The following ADPRHL1 variants were observed in gnomAD, a reference collection of about 807,000 sequenced individuals.
ADPRHL1 encodes inactive ADP-ribosyltransferase ARH2.
In ADPRHL1, 43 loss-of-function variants were observed where a neutral mutation model predicts 44.1. The observed-to-expected ratio is 0.98, with a 90% CI of 0.76 to 1.26. ADPRHL1 has a LOEUF of 1.26. Among genes scored for constraint, ADPRHL1 ranks in the 50% most tolerant of loss-of-function variants. ADPRHL1 has a pLI of 0.00. For missense variants in ADPRHL1, 2,022 were observed against 2,496.9 expected, an observed-to-expected ratio of 0.81 and a Z score of 4.05; for synonymous variants, 878 against 1,017.4, an observed-to-expected ratio of 0.86 and a Z score of 2.61.
chr13:113,421,578 G>A (rs2043923522), intron 7 of ADPRHL1, among the ~76,000 whole-genome samples: 1 of 152,196 alleles, frequency 6.6e-6, no homozygotes, highest in Non-Finnish European at 1.5e-5. Context: ...GCCTGGAAGT[G>A]GTTGGCGGGG....
chr13:113,431,274 C>G (rs2044005016), intron 3 of ADPRHL1, among the ~76,000 whole-genome samples: 1 of 152,220 alleles, frequency 6.6e-6, no homozygotes, highest in East Asian at 1.9e-4. Flanking sequence ...CGGTGAACGG[C>G]CACTCAACAC....
intron 4 of ADPRHL1, among the ~76,000 whole-genome samples, chr13:113,428,637 G>A (rs1375123280): frequency 6.6e-6 from 1 of 152,270 alleles, no homozygotes; most frequent in Non-Finnish European, 1.5e-5. Flanking sequence ...CCCAGTGGCT[G>A]CCAGTCGCTT....
chr13:113,445,034 A>G (rs532218410), intron 1 of ADPRHL1, among the ~76,000 whole-genome samples: 2 of 152,292 alleles, frequency 1.3e-5, no homozygotes, highest in South Asian at 2.1e-4. Flanking sequence ...GCCCAGCTCC[A>G]GCTCCTTCTT....
In ADPRHL1 at chr13:113,400,155, T is replaced by TG. The variant is rs1327826259; in HGVS notation, c.*3222_*3223insC. The TG allele has an allele frequency of 7.6e-6, 1 of 132,368 alleles. No homozygotes were observed. Among genetic ancestry groups the TG allele is most frequent in the Admixed American group, 7.2e-5 (1 of 13,834 alleles). 8.2% of individuals were successfully genotyped at this position (132,368 alleles called of 1,614,324 possible). A position where few individuals can be genotyped will look rare whatever the true frequency, so the allele number is the denominator to read the frequency against. Reference sequence around the variant, plus strand: ...CTTTTCTTTTCTTTTCTTCTTTTTTTTTTTTTTTTTGACGGAGTCTCGCTC... The same window carrying TG: ...CTTTTCTTTTCTTTTCTTCTTTTTTTGTTTTTTTTTTGACGGAGTCTCGCTC... On this transcript the variant is annotated 3_prime_UTR_variant, in exon 8 of 8. Transcript: ENST00000612156.
chr13:113,417,951 A>C (rs2043895121), intron 7 of ADPRHL1, among the ~76,000 whole-genome samples: 1 of 152,200 alleles, frequency 6.6e-6, no homozygotes, highest in African/African-American at 2.4e-5. Context: ...CAATTTTATC[A>C]GCTGATATTT....
chr13:113,410,564 C>G (rs1339234065), intron 7 of ADPRHL1, among the ~76,000 whole-genome samples: 1 of 152,226 alleles, frequency 6.6e-6, no homozygotes, highest in African/African-American at 2.4e-5. Flanking sequence ...ATCCAAGGAG[C>G]AGCTGTGCGT....
intron 4 of ADPRHL1, among the ~76,000 whole-genome samples, chr13:113,425,803 C>T (rs1234034346): frequency 1.3e-5 from 2 of 152,016 alleles, no homozygotes; most frequent in African/African-American, 4.8e-5. Context: ...GCCTCAGCCT[C>T]CTGAGTAGCT....
Position 113,406,928 on chromosome 13 carries a change from C to CA in ADPRHL1, c.2353dup (p.Cys785LeufsTer6), listed in dbSNP as rs2043813423. On this transcript the variant is annotated frameshift_variant, in exon 8 of 8. Transcript: ENST00000612156. LOFTEE classifies it low-confidence loss of function (END_TRUNC). ...TCCTTCCCTTTCATCCTCTGAACTG[C>CA]AAACAGTCATGGTGATTTCAGGGCC... The CA allele has an allele frequency of 2.4e-6, 3 of 1,232,064 alleles. No homozygotes were observed. In the South Asian group the frequency reaches 1.2e-4, roughly 51 times the overall value. 76.3% of individuals were successfully genotyped at this position (1,232,064 alleles called of 1,614,324 possible).
intron 2 of ADPRHL1, among the ~76,000 whole-genome samples, chr13:113,435,476 C>G (rs1485849454): frequency 2.9e-5 from 3 of 103,608 alleles, no homozygotes; most frequent in Admixed American, 9.8e-5. Flanking sequence ...CCCCGGGACC[C>G]GGCACCCAGG....
chr13:113,438,469 A>G (rs2044076318), intron 2 of ADPRHL1, among the ~76,000 whole-genome samples: 2 of 152,046 alleles, frequency 1.3e-5, no homozygotes, highest in Non-Finnish European at 2.9e-5. Context: ...CAAGGCAGGC[A>G]GATCACCTGA....
chr13:113,439,169 C>T (rs1024678613), intron 2 of ADPRHL1, among the ~76,000 whole-genome samples: 1 of 152,112 alleles, frequency 6.6e-6, no homozygotes, highest in African/African-American at 2.4e-5. Context: ...GTTGCCCAGG[C>T]TGGAGTGCAA....
intron 1 of ADPRHL1, among the ~76,000 whole-genome samples, chr13:113,446,041 A>G (rs2044134550): frequency 6.7e-6 from 1 of 149,156 alleles, no homozygotes; most frequent in Non-Finnish European, 1.5e-5. Context: ...CAAACCCCAC[A>G]GAGAGAGCGT....
At chr13:113,435,409 G>T (rs2044045918) in intron 2 of ADPRHL1, among the ~76,000 whole-genome samples, 1 of 138,388 alleles carries the variant, frequency 7.2e-6, no homozygotes, top group Non-Finnish European at 1.5e-5. Flanking sequence ...CAGGTGTAGA[G>T]TGAACACAGG....
At position 113,441,025 on chromosome 13, in the gene ADPRHL1, C is replaced by A. The variant is rs546251410; in HGVS notation, c.379+3400G>T. On this transcript the variant is annotated intron_variant, in intron 2 of 7. Coordinates refer to ENST00000612156, the MANE Select transcript of ADPRHL1 (RefSeq NM_001394807.1). The surrounding 1 kb of genome is among the most constrained non-coding windows in gnomAD (Gnocchi z 6.0). ...AAAATTAGCCAGGTGTGGTGGTGGG[C>A]GCCCGTAGTCCCAGCTACTTGGGAG... is the stretch of plus-strand genomic sequence containing the variant. Among the ~76,000 whole-genome samples, 2 of 151,900 alleles carry A rather than the reference C, an allele frequency of 1.3e-5. No homozygotes were observed. Among genetic ancestry groups the A allele is most frequent in the South Asian group, 2.1e-4 (1 of 4,816 alleles).
At position 113,407,053 on chromosome 13, in the gene ADPRHL1, A is replaced by C. The variant is rs116656416; in HGVS notation, c.2229T>G (p.Thr743=). ...WGTGSAGGDG[T]ADPTAESTAG... The stretch of plus-strand genomic sequence containing the variant: ...CGGTGCTCTCTGCGGTGGGGTCTGC[A>C]GTCCCATCACCTCCGGCTGATCCGG... The change falls in exon 8 of 8, where the codon ACT becomes ACG. Residue 743 remains threonine, a synonymous_variant. Coordinates refer to ENST00000612156, the MANE Select transcript of ADPRHL1 (RefSeq NM_001394807.1). 32,741 of 1,232,202 alleles carry C rather than the reference A, an allele frequency of 0.027. 751 individuals carry two copies. The highest frequency in any genetic ancestry group is 0.12 in the African/African-American group (7,989 of 64,508). 76.3% of individuals were successfully genotyped at this position (1,232,202 alleles called of 1,614,324 possible).
At chr13:113,413,174 G>C (rs2043868788) in intron 7 of ADPRHL1, among the ~76,000 whole-genome samples, 1 of 152,176 alleles carries the variant, frequency 6.6e-6, no homozygotes, top group South Asian at 2.1e-4. Context: ...GCAGAACTCG[G>C]TTCACCCACT....
In ADPRHL1 at chr13:113,433,729, C is replaced by G. The variant is rs1387517967; in HGVS notation, c.505+13G>C. 1.4e-5 allele frequency: 22 copies of G among 1,582,082 alleles called. No individual in the cohort carries two copies. Among genetic ancestry groups the G allele is most frequent in the Non-Finnish European group, 1.7e-5 (20 of 1,167,658 alleles). ...CCACGCTGACCTCCCTCCCACCCCC[C>G]GCCCACACTTACCTGTGGGATGGTT... is the stretch of plus-strand genomic sequence containing the variant. On this transcript the variant is annotated intron_variant, in intron 3 of 7. Transcript: ENST00000612156.
rs780649858 is a variant in ADPRHL1, at chr13:113,422,847, T to A, written c.1040A>T (p.Tyr347Phe). The change falls in exon 7 of 8, where the codon TAC (tyrosine) becomes TTC (phenylalanine). Residue 347 changes from tyrosine to phenylalanine, a missense_variant. By Grantham distance (22) the Tyr-to-Phe change is conservative (BLOSUM62 3). Coordinates refer to ENST00000612156, the MANE Select transcript of ADPRHL1 (RefSeq NM_001394807.1). ...EKLEDLGAAL[Y>F]RLSTEENRKS... ...TTACTTCTCCTCTGTGGACAGGCGG[T>A]AGAGAGCCGCGCCCAGGTCCTCCAG... 2 of 1,612,668 alleles carry A rather than the reference T, an allele frequency of 1.2e-6. No individual in the cohort carries two copies. The highest frequency in any genetic ancestry group is 2.7e-5 in the African/African-American group (2 of 74,874).
rs2043776591 is a variant in ADPRHL1, at chr13:113,403,331, G to A, written c.*47C>T. 3 of 1,229,700 alleles carry A rather than the reference G, an allele frequency of 2.4e-6. No homozygotes were observed. The South Asian group carries it at 1.2e-4, about 51-fold the overall frequency. The allele number at this position is 1,229,700 out of a possible 1,614,324, so 76.2% of individuals were successfully genotyped here. On this transcript the variant is annotated 3_prime_UTR_variant, in exon 8 of 8. Coordinates refer to ENST00000612156, the MANE Select transcript of ADPRHL1 (RefSeq NM_001394807.1). Reference sequence around the variant, plus strand: ...AGGAAAATGCCTGAAGTCCCTCAATGGGCGGATGTCACAGTGCTGGGCGAG... The same window carrying A: ...AGGAAAATGCCTGAAGTCCCTCAATAGGCGGATGTCACAGTGCTGGGCGAG...
Sources: allele counts gnomAD v4.1 joint callset (sites outside exome capture counted in the v4.1 genomes callset), GRCh38; gene constraint gnomAD v4.1.1; non-coding constraint Gnocchi (gnomAD v3.1); transcripts MANE v1.5; gene names NCBI Gene and HGNC (gene_info 2026-07-23, HGNC 2026-07-21).